The following ADGRL3 variants were observed in gnomAD, a reference collection of about 807,000 sequenced individuals.
The protein encoded by ADGRL3 is calcium-independent alpha-latrotoxin receptor 3.
Under a neutral mutation model 153.5 loss-of-function variants are expected in ADGRL3, and 62 were observed. The ratio of observed to expected loss-of-function variants is 0.40; its 90% CI spans 0.33 to 0.50. The LOEUF is 0.50. Ranked by LOEUF, ADGRL3 falls within the 20% of genes least tolerant of loss-of-function variation. ADGRL3 has a pLI of 0.47. For synonymous variants in ADGRL3, 710 were observed against 672.5 expected, an observed-to-expected ratio of 1.06 and a Z score of -0.86; for missense variants, 1,641 against 1,859.4, an observed-to-expected ratio of 0.88 and a Z score of 2.16.
intron 5 of ADGRL3, among the ~76,000 whole-genome samples, chr4:61,602,630 C>G (rs778438946): frequency 6.6e-6 from 1 of 152,108 alleles, no homozygotes; most frequent in Non-Finnish European, 1.5e-5. Context: ...ATGTGAAGCA[C>G]ATATTAAAAA....
At chr4:62,014,889 C>A (rs2099204495) in intron 21 of ADGRL3, among the ~76,000 whole-genome samples, 2 of 152,170 alleles carry the variant, frequency 1.3e-5, no homozygotes, top group Admixed American at 1.3e-4. Context: ...AATACCTCCC[C>A]TTTAAGCAAA....
At chr4:61,864,105 C>G (rs2149312099) in intron 9 of ADGRL3, among the ~76,000 whole-genome samples, 1 of 152,288 alleles carries the variant, frequency 6.6e-6, no homozygotes, top group South Asian at 2.1e-4. Flanking sequence ...GTACTCAATG[C>G]TGCTATAGGA....
chr4:61,527,567 T>C (rs1160324427), intron 4 of ADGRL3, among the ~76,000 whole-genome samples: 1 of 152,190 alleles, frequency 6.6e-6, no homozygotes, highest in Non-Finnish European at 1.5e-5. Context: ...AGGTGACTCA[T>C]GGATAGAAGT....
intron 9 of ADGRL3, among the ~76,000 whole-genome samples, chr4:61,825,007 G>A (rs918509085): frequency 3.9e-5 from 6 of 152,142 alleles, no homozygotes; most frequent in Non-Finnish European, 7.3e-5. Context: ...AAAGGCATAT[G>A]CTTCTTAGCA....
intron 13 of ADGRL3, among the ~76,000 whole-genome samples, chr4:61,920,255 T>A (rs961792299): frequency 2.0e-5 from 3 of 152,200 alleles, no homozygotes; most frequent in African/African-American, 7.2e-5. Context: ...GATGATTACA[T>A]AGCTATTAAG....
At chr4:61,648,983 T>G (rs550720616) in intron 5 of ADGRL3, among the ~76,000 whole-genome samples, 1 of 151,996 alleles carries the variant, frequency 6.6e-6, no homozygotes, top group East Asian at 1.9e-4. Context: ...TACTTTTAAG[T>G]TTTTCTTTAA....
intron 5 of ADGRL3, among the ~76,000 whole-genome samples, chr4:61,595,496 C>T (rs903000545): frequency 2.0e-5 from 3 of 151,606 alleles, no homozygotes; most frequent in South Asian, 2.1e-4. Flanking sequence ...TGATTCTGCC[C>T]GGCGCCCTAT....
chr4:61,500,136 C>A (rs2098370552), intron 3 of ADGRL3, among the ~76,000 whole-genome samples: 1 of 151,288 alleles, frequency 6.6e-6, no homozygotes, highest in Non-Finnish European at 1.5e-5. Flanking sequence ...AAAGACTAAC[C>A]TGGTAGGTAA....
chr4:62,059,258 A>C (rs145626388), intron 25 of ADGRL3, among the ~76,000 whole-genome samples: 2 of 152,174 alleles, frequency 1.3e-5, no homozygotes, highest in African/African-American at 4.8e-5. Flanking sequence ...TTACTCAGAC[A>C]TATCCCTTAC....
intron 9 of ADGRL3, among the ~76,000 whole-genome samples, chr4:61,839,466 A>G (rs1324625570): frequency 1.3e-5 from 2 of 152,158 alleles, no homozygotes; most frequent in Middle Eastern, 3.4e-3. Flanking sequence ...AAAGTGCTAG[A>G]ATTTCAGGAA....
At chr4:61,967,429 GC>G (rs554171965) in intron 17 of ADGRL3, among the ~76,000 whole-genome samples, 2 of 152,004 alleles carry the variant, frequency 1.3e-5, no homozygotes, top group African/African-American at 4.8e-5. Flanking sequence ...TCACAATCCT[GC>G]CCCCATTAAG....
At chr4:61,922,650 T>C (rs2098775160) in intron 13 of ADGRL3, among the ~76,000 whole-genome samples, 1 of 152,178 alleles carries the variant, frequency 6.6e-6, no homozygotes, top group Admixed American at 6.5e-5. Context: ...GAAAAATACA[T>C]TTTTTATTAA....
chr4:61,284,433 T>C (rs2093849884), intron 1 of ADGRL3, among the ~76,000 whole-genome samples: 1 of 151,834 alleles, frequency 6.6e-6, no homozygotes, highest in Non-Finnish European at 1.5e-5. Flanking sequence ...CAGTTTCTTG[T>C]TTTATAATTG....
At chr4:61,364,252 G>A (rs2096350278) in intron 1 of ADGRL3, among the ~76,000 whole-genome samples, 1 of 150,976 alleles carries the variant, frequency 6.6e-6, no homozygotes, top group Non-Finnish European at 1.5e-5. Flanking sequence ...GGAATCGCTT[G>A]AACCTGGCAG....
chr4:61,909,799 GTGTC>G, intron 12 of ADGRL3, 54 bp downstream of exon 12: 1 of 1,260,408 alleles, frequency 7.9e-7, no homozygotes, highest in Non-Finnish European at 1.1e-6. Flanking sequence ...GTGTGTGTGT[GTGTC>G]TTTAAAGTTG....
chr4:61,408,680 A>C (rs1029458570), intron 2 of ADGRL3, among the ~76,000 whole-genome samples: 2 of 152,100 alleles, frequency 1.3e-5, no homozygotes, highest in Admixed American at 6.6e-5. Context: ...ACAGAGTACA[A>C]AAGAATCAGT....
intron 9 of ADGRL3, among the ~76,000 whole-genome samples, chr4:61,891,905 G>A (rs1007378459): frequency 1.3e-5 from 2 of 152,104 alleles, no homozygotes; most frequent in African/African-American, 4.8e-5. Context: ...GGAAACATAG[G>A]TTCAATTACC....
At chr4:61,412,527 A>G (rs1029862772) in intron 2 of ADGRL3, among the ~76,000 whole-genome samples, 3 of 152,200 alleles carry the variant, frequency 2.0e-5, no homozygotes, top group Non-Finnish European at 4.4e-5. Flanking sequence ...GACATGAACA[A>G]CTTTGGTGTT....
At position 62,022,642 on chromosome 4, in the gene ADGRL3, C is replaced by G. The variant is rs1030470111; in HGVS notation, c.3396-6213C>G. Among the ~76,000 whole-genome samples, 13 of 152,036 alleles carry G rather than the reference C, an allele frequency of 8.6e-5. 1 individual carries two copies. The highest frequency in any genetic ancestry group is 3.1e-4 in the African/African-American group (13 of 41,408). On this transcript the variant is annotated intron_variant, in intron 21 of 26. Transcript: ENST00000683033. ...TGGTGAATGTAAGTTGAAGCCAGTG[C>G]TTACTATCATTCTGAAAATCCCTAA...
Sources: allele counts gnomAD v4.1 joint callset (sites outside exome capture counted in the v4.1 genomes callset), GRCh38; gene constraint gnomAD v4.1.1; transcripts MANE v1.5; gene names NCBI Gene and HGNC (gene_info 2026-07-23, HGNC 2026-07-21).